The following CALN1 variants were observed in gnomAD, a reference collection of about 807,000 sequenced individuals.
CALN1 encodes the protein calneuron 1, also known as calcium-binding protein 8.
CALN1 carries 17 observed loss-of-function variants against 30.6 expected under a neutral mutation model. The ratio of observed to expected loss-of-function variants is 0.56; its 90% CI spans 0.38 to 0.83. The LOEUF (loss-of-function observed/expected upper bound fraction) is 0.83, where lower values mean the gene tolerates loss of function less well. CALN1 is among the 40% of genes least tolerant of loss of function. The pLI, the probability that CALN1 is intolerant of heterozygous loss-of-function variation, is 0.00. For missense variants in CALN1, 291 were observed against 354.9 expected (o/e 0.82, Z 1.45); for synonymous variants, 156 against 131.4 (o/e 1.19, Z -1.28).
At chr7:72,319,825 G>A (rs539532789) in intron 2 of CALN1, among the ~76,000 whole-genome samples, 1 of 152,144 alleles carries the variant, frequency 6.6e-6, no homozygotes, top group East Asian at 1.9e-4. Flanking sequence ...ATAGAGAGTG[G>A]AAACATAGAC....
chr7:72,145,135 AG>A (rs1249212344), intron 3 of CALN1, among the ~76,000 whole-genome samples: 2 of 152,204 alleles, frequency 1.3e-5, no homozygotes, highest in African/African-American at 4.8e-5. Context: ...GCAGAACTGA[AG>A]GAGACAGAGA....
chr7:71,803,209 G>A (rs552482355), intron 6 of CALN1, among the ~76,000 whole-genome samples: 80 of 152,176 alleles, frequency 5.3e-4, no homozygotes, highest in African/African-American at 1.9e-3. Flanking sequence ...ATTCAGAGGG[G>A]TGAAATGAAT....
At chr7:71,987,302 C>A (rs936792706) in intron 5 of CALN1, among the ~76,000 whole-genome samples, 5 of 152,174 alleles carry the variant, frequency 3.3e-5, no homozygotes, top group Non-Finnish European at 7.4e-5. Flanking sequence ...TCTGTGAACA[C>A]GAGGAACCAC....
intron 3 of CALN1, among the ~76,000 whole-genome samples, chr7:72,248,055 C>A (rs1392805402): frequency 3.3e-5 from 5 of 152,172 alleles, no homozygotes; most frequent in South Asian, 2.1e-4. Context: ...AGTCAGAAGT[C>A]CTGAAGTCAA....
chr7:72,213,831 T>C (rs998641856), intron 3 of CALN1, among the ~76,000 whole-genome samples: 1 of 152,168 alleles, frequency 6.6e-6, no homozygotes, highest in African/African-American at 2.4e-5. Flanking sequence ...CCCTGCATTA[T>C]TGGGTTATGC....
chr7:72,398,757 G>A (rs111967451), intron 2 of CALN1, among the ~76,000 whole-genome samples: 25 of 152,280 alleles, frequency 1.6e-4, no homozygotes, highest in African/African-American at 4.6e-4. Flanking sequence ...AAATACATAC[G>A]CACACACCTT....
intron 5 of CALN1, among the ~76,000 whole-genome samples, chr7:71,868,031 CT>C (rs373374881): frequency 6.6e-6 from 1 of 151,972 alleles, no homozygotes; most frequent in African/African-American, 2.4e-5. Flanking sequence ...TAAAAGTATT[CT>C]TTTTTTGTTT....
At chr7:71,960,070 T>C (rs1295872398) in intron 5 of CALN1, among the ~76,000 whole-genome samples, 1 of 150,960 alleles carries the variant, frequency 6.6e-6, no homozygotes, top group Non-Finnish European at 1.5e-5. Context: ...GAGGTGGTGG[T>C]TGCAGTGAGT....
intron 3 of CALN1, among the ~76,000 whole-genome samples, chr7:72,251,457 G>T (rs888260101): frequency 6.6e-6 from 1 of 151,850 alleles, no homozygotes; most frequent in Non-Finnish European, 1.5e-5. Flanking sequence ...AGACTGCAGT[G>T]GTGTGATCAT....
chr7:72,067,641 C>T (rs540668784), intron 4 of CALN1, among the ~76,000 whole-genome samples: 3 of 152,292 alleles, frequency 2.0e-5, no homozygotes, highest in Admixed American at 2.0e-4. Context: ...TCAGCTATCT[C>T]TCAATAAAAA....
At chr7:72,043,686 G>A (rs1037738842) in intron 4 of CALN1, among the ~76,000 whole-genome samples, 3 of 152,154 alleles carry the variant, frequency 2.0e-5, no homozygotes, top group Admixed American at 2.0e-4. Flanking sequence ...CAGAAGGATC[G>A]CTTGAGCCCA....
chr7:71,807,739 A>G (rs1787702898), intron 6 of CALN1, among the ~76,000 whole-genome samples: 1 of 152,104 alleles, frequency 6.6e-6, no homozygotes, highest in Admixed American at 6.6e-5. Flanking sequence ...CAGGAGTTCA[A>G]GACCAGCCTG....
intron 4 of CALN1, among the ~76,000 whole-genome samples, chr7:72,065,128 ATATATT>A (rs1803930864): frequency 6.7e-6 from 1 of 148,162 alleles, no homozygotes; most frequent in South Asian, 2.1e-4. Flanking sequence ...TATATGTAAA[ATATATT>A]TATATTTTAA....
chr7:72,293,578 C>G (rs928942334), intron 2 of CALN1, among the ~76,000 whole-genome samples: 1 of 152,122 alleles, frequency 6.6e-6, no homozygotes, highest in African/African-American at 2.4e-5. Flanking sequence ...TCAAGCCCTA[C>G]CATGCAGGGT....
intron 4 of CALN1, among the ~76,000 whole-genome samples, chr7:72,025,481 C>G (rs1390239089): frequency 1.3e-5 from 2 of 152,192 alleles, no homozygotes; most frequent in African/African-American, 4.8e-5. Flanking sequence ...TGTACTTGTA[C>G]AATGAATGAA....
At chr7:72,320,963 C>A (rs1426180965) in intron 2 of CALN1, among the ~76,000 whole-genome samples, 6 of 151,456 alleles carry the variant, frequency 4.0e-5, no homozygotes, top group Non-Finnish European at 5.9e-5. Flanking sequence ...AGGTATTTAA[C>A]TTCTCTGGGG....
At chr7:71,843,316 A>G (rs964523013) in intron 5 of CALN1, among the ~76,000 whole-genome samples, 4 of 152,170 alleles carry the variant, frequency 2.6e-5, no homozygotes, top group Non-Finnish European at 5.9e-5. Context: ...CACTCATTGC[A>G]ACTAAGAGTA....
chr7:72,064,704 T>C (rs947764649), intron 4 of CALN1, among the ~76,000 whole-genome samples: 93 of 152,230 alleles, frequency 6.1e-4, no homozygotes, highest in Admixed American at 6.1e-3. Flanking sequence ...TCCAGATTTC[T>C]GATTTTGGAT....
chr7:72,477,640 T>C, the CALN1 span, among the ~76,000 whole-genome samples: 1 of 152,288 alleles, frequency 6.6e-6, no homozygotes, highest in African/African-American at 2.4e-5. Flanking sequence ...CAGGCTGGTC[T>C]TGAACTCCTA....
Sources: gnomAD v4.1 joint callset for allele counts (sites outside exome capture counted in the v4.1 genomes callset) on GRCh38, gnomAD v4.1.1 for gene constraint, MANE v1.5 for transcripts, NCBI Gene and HGNC (gene_info 2026-07-23, HGNC 2026-07-21) for gene names.